The following QTMAN variants were observed in gnomAD, a reference collection of about 807,000 sequenced individuals.
The protein encoded by QTMAN is tRNA-queuosine alpha-mannosyltransferase.
At chr2:144,001,465 A>G in the QTMAN span, among the ~76,000 whole-genome samples, 1 of 151,932 alleles carries the variant, frequency 6.6e-6, no homozygotes. Flanking sequence ...TATTTTATGG[A>G]AAATGCTGCA....
the QTMAN span, among the ~76,000 whole-genome samples, chr2:144,231,978 A>G: frequency 6.6e-6 from 1 of 151,916 alleles, no homozygotes; most frequent in Non-Finnish European, 1.5e-5. Context: ...TCAAGTGAAA[A>G]AAGTTTCGCT....
chr2:144,110,714 T>C, the QTMAN span, among the ~76,000 whole-genome samples: 1 of 134,492 alleles, frequency 7.4e-6, no homozygotes, highest in Non-Finnish European at 1.6e-5. Flanking sequence ...TGTGCAAATA[T>C]ATAATGAAAT....
the QTMAN span, chr2:143,970,594 T>TA: frequency 1.1e-6 from 1 of 879,000 alleles, no homozygotes; most frequent in Non-Finnish European, 1.9e-6. Context: ...AATTAATACT[T>TA]ACGTTGTAGA....
chr2:144,065,796 T>A, the QTMAN span, among the ~76,000 whole-genome samples: 1 of 147,150 alleles, frequency 6.8e-6, no homozygotes, highest in African/African-American at 2.5e-5. Flanking sequence ...CTTCTCAGAG[T>A]CCTTAAAATA....
the QTMAN span, among the ~76,000 whole-genome samples, chr2:144,314,468 T>A: frequency 6.6e-6 from 1 of 152,154 alleles, no homozygotes; most frequent in African/African-American, 2.4e-5. Flanking sequence ...ATCCTAGCAC[T>A]TTGGGAGGCC....
At chr2:144,144,423 ACTAT>A in the QTMAN span, among the ~76,000 whole-genome samples, 2 of 152,072 alleles carry the variant, frequency 1.3e-5, no homozygotes, top group East Asian at 3.9e-4. Context: ...TAATAAACAC[ACTAT>A]CTGAGGAAAA....
At chr2:144,276,845 CT>C in the QTMAN span, among the ~76,000 whole-genome samples, 1 of 152,130 alleles carries the variant, frequency 6.6e-6, no homozygotes, top group Non-Finnish European at 1.5e-5. Context: ...CTTCACACCC[CT>C]AAACTCTTAA....
At chr2:144,152,538 C>G in the QTMAN span, among the ~76,000 whole-genome samples, 1 of 152,070 alleles carries the variant, frequency 6.6e-6, no homozygotes, top group African/African-American at 2.4e-5. Context: ...GAGGGTGAGC[C>G]TACTATTTTA....
the QTMAN span, among the ~76,000 whole-genome samples, chr2:144,076,750 T>C: frequency 1.3e-5 from 2 of 152,210 alleles, no homozygotes; most frequent in African/African-American, 2.4e-5. Flanking sequence ...CTAAACTTTA[T>C]ACAAGTTAGC....
At chr2:144,098,792 G>A in the QTMAN span, among the ~76,000 whole-genome samples, 1 of 151,006 alleles carries the variant, frequency 6.6e-6, no homozygotes, top group Non-Finnish European at 1.5e-5. Context: ...AAGGTAAACG[G>A]CACTTAACAT....
chr2:144,042,573 A>G, the QTMAN span, among the ~76,000 whole-genome samples: 2 of 151,916 alleles, frequency 1.3e-5, no homozygotes, highest in East Asian at 3.9e-4. Context: ...GGCTAACACC[A>G]TGAAACCCAG....
chr2:144,136,467 A>G, the QTMAN span, among the ~76,000 whole-genome samples: 6 of 151,510 alleles, frequency 4.0e-5, no homozygotes, highest in Non-Finnish European at 8.8e-5. Flanking sequence ...GAGGAAGGAG[A>G]AAGGAGAAAA....
chr2:144,180,256 G>GC, the QTMAN span, among the ~76,000 whole-genome samples: 15 of 151,888 alleles, frequency 9.9e-5, no homozygotes. Flanking sequence ...TAAAAGATAC[G>GC]CAATTTGATT....
the QTMAN span, among the ~76,000 whole-genome samples, chr2:144,088,027 T>G: frequency 6.6e-6 from 1 of 152,074 alleles, no homozygotes; most frequent in Non-Finnish European, 1.5e-5. Flanking sequence ...TGTCCCTCTT[T>G]GCTGATATGA....
At chr2:144,011,448 TTCAGCTTTTCTAAATGTAGC>T in the QTMAN span, among the ~76,000 whole-genome samples, 4 of 152,186 alleles carry the variant, frequency 2.6e-5, no homozygotes, top group African/African-American at 7.2e-5. Flanking sequence ...AAAACTTTAT[TTCAGCTTTTCTAAATGTAGC>T]TCTATGGTCA....
At chr2:144,198,393 C>T in the QTMAN span, among the ~76,000 whole-genome samples, 3 of 152,248 alleles carry the variant, frequency 2.0e-5, no homozygotes, top group Non-Finnish European at 4.4e-5. Flanking sequence ...AGTCCAAAGG[C>T]CACATGATAC....
At chr2:144,070,052 T>C in the QTMAN span, among the ~76,000 whole-genome samples, 1 of 152,126 alleles carries the variant, frequency 6.6e-6, no homozygotes, top group Non-Finnish European at 1.5e-5. Context: ...AAGTAGGTAA[T>C]GTGTCCTTAA....
At chr2:144,168,823 T>C in the QTMAN span, among the ~76,000 whole-genome samples, 4 of 152,106 alleles carry the variant, frequency 2.6e-5, no homozygotes, top group African/African-American at 9.7e-5. Flanking sequence ...CTTAGGCTTC[T>C]TGTTAACTCA....
chr2:144,316,319 G>T, the QTMAN span, among the ~76,000 whole-genome samples: 2 of 151,716 alleles, frequency 1.3e-5, no homozygotes, highest in African/African-American at 4.8e-5. Flanking sequence ...TTACAGAGCT[G>T]CATATATCTG....
Sources: gnomAD v4.1 joint callset for allele counts (sites outside exome capture counted in the v4.1 genomes callset) on GRCh38, gnomAD v4.1.1 for gene constraint, MANE v1.5 for transcripts, NCBI Gene and HGNC (gene_info 2026-07-23, HGNC 2026-07-21) for gene names.